IMMP1L: variants seen among roughly 807,000 people sequenced by gnomAD.
The protein encoded by IMMP1L is mitochondrial inner membrane protease subunit 1.
In IMMP1L, 24 loss-of-function variants were observed where a neutral mutation model predicts 21.8. The observed-to-expected ratio is 1.10, with a 90% CI of 0.80 to 1.55. The LOEUF (loss-of-function observed/expected upper bound fraction) is 1.55, where lower values mean the gene tolerates loss of function less well. Among genes scored for constraint, IMMP1L ranks in the 40% most tolerant of loss-of-function variants. The pLI, the probability that IMMP1L is intolerant of heterozygous loss-of-function variation, is 0.00. For synonymous variants in IMMP1L, 46 were observed against 62.8 expected, an observed-to-expected ratio of 0.73 and a Z score of 1.26; for missense variants, 195 against 200.7, an observed-to-expected ratio of 0.97 and a Z score of 0.17.
chr11:31,505,530 A>T (rs1955749890), intron 1 of IMMP1L, among the ~76,000 whole-genome samples: 1 of 152,202 alleles, frequency 6.6e-6, no homozygotes, highest in Non-Finnish European at 1.5e-5. Flanking sequence ...TCTGACATGG[A>T]CCCCTATTAT....
rs942698306 is a variant in IMMP1L, at chr11:31,509,522, G to C, written c.-33C>G. On this transcript the variant is annotated 5_prime_UTR_variant, in exon 1 of 6. Coordinates refer to ENST00000532287, the MANE Select transcript of IMMP1L (RefSeq NM_001304274.2). Reference sequence around the variant, plus strand: ...AACGTTACGTGATATTACCTACCTCGGGCCCCAAAGAACCCTGGAGACCCT... The same window carrying C: ...AACGTTACGTGATATTACCTACCTCCGGCCCCAAAGAACCCTGGAGACCCT... The C allele has an allele frequency of 1.9e-6, 1 of 536,018 alleles. No homozygotes were observed. The highest frequency in any genetic ancestry group is 3.4e-6 in the Non-Finnish European group (1 of 297,060). The allele number at this position is 536,018 out of a possible 1,614,324, so 33.2% of individuals were successfully genotyped here. A position where few individuals can be genotyped will look rare whatever the true frequency, so the allele number is the denominator to read the frequency against.
chr11:31,492,824 C>T (rs886643566), intron 1 of IMMP1L, among the ~76,000 whole-genome samples: 11 of 152,168 alleles, frequency 7.2e-5, no homozygotes, highest in Admixed American at 7.2e-4. Flanking sequence ...AACATTCTTA[C>T]ATGGGCACGG....
At chr11:31,437,041 C>T (rs1953147677) in intron 4 of IMMP1L, 1 of 333,054 alleles carries the variant, frequency 3.0e-6, no homozygotes, top group African/African-American at 2.1e-5. Context: ...TTTAATCTAA[C>T]AAGATCTCTA....
intron 1 of IMMP1L, among the ~76,000 whole-genome samples, chr11:31,464,920 T>C (rs1347447449): frequency 6.6e-6 from 1 of 152,008 alleles, no homozygotes; most frequent in Admixed American, 6.6e-5. Flanking sequence ...TTATTCAACA[T>C]AGTAACGGAA....
chr11:31,498,182 T>C (rs924323763), intron 1 of IMMP1L, among the ~76,000 whole-genome samples: 1 of 152,216 alleles, frequency 6.6e-6, no homozygotes, highest in African/African-American at 2.4e-5. Flanking sequence ...AAATCTTTAA[T>C]TTTGACTAAT....
At chr11:31,487,544 AC>A (rs1432387665) in intron 1 of IMMP1L, among the ~76,000 whole-genome samples, 1 of 152,172 alleles carries the variant, frequency 6.6e-6, no homozygotes, top group Admixed American at 6.5e-5. Flanking sequence ...CAAGTCACAG[AC>A]ACTACAGATG....
chr11:31,508,111 C>A (rs1017380014), intron 1 of IMMP1L, among the ~76,000 whole-genome samples: 2 of 151,990 alleles, frequency 1.3e-5, no homozygotes, highest in African/African-American at 4.8e-5. Context: ...CCACAGCACA[C>A]GTTTACCTAT....
intron 1 of IMMP1L, among the ~76,000 whole-genome samples, chr11:31,485,985 T>C (rs918994891): frequency 6.6e-6 from 1 of 151,708 alleles, no homozygotes; most frequent in East Asian, 1.9e-4. Flanking sequence ...TATACAGTGG[T>C]TGCCCTTTAG....
intron 4 of IMMP1L, among the ~76,000 whole-genome samples, chr11:31,447,927 A>G (rs1953590237): frequency 6.6e-6 from 1 of 152,214 alleles, no homozygotes; most frequent in Non-Finnish European, 1.5e-5. Context: ...AAGTGGTAAC[A>G]TCAAAACTTC....
chr11:31,456,460 CT>C (rs1266031031), intron 3 of IMMP1L, 74 bp from the exon 4 acceptor site: 1 of 1,169,656 alleles, frequency 8.5e-7, no homozygotes, highest in Admixed American at 1.9e-5. Flanking sequence ...TGCTTTAATA[CT>C]TTTATAAGAC....
In IMMP1L at chr11:31,436,994, C is replaced by T. The variant is rs1022003910; in HGVS notation, c.322-3424G>A. ...CTCAGACAACACTTCATGTAAAGTA[C>T]ACAAATCAAGGAAACAGCTTCATCA... On this transcript the variant is annotated intron_variant, in intron 4 of 5. Coordinates refer to ENST00000532287, the MANE Select transcript of IMMP1L (RefSeq NM_001304274.2). 4 of 248,862 alleles carry T rather than the reference C, an allele frequency of 1.6e-5. No individual in the cohort carries two copies. The Admixed American group carries it at 1.7e-4, about 10-fold the overall frequency. 15.4% of individuals were successfully genotyped at this position (248,862 alleles called of 1,614,324 possible). A position where few individuals can be genotyped will look rare whatever the true frequency, so the allele number is the denominator to read the frequency against.
At chr11:31,473,056 G>A (rs1170677858) in intron 1 of IMMP1L, among the ~76,000 whole-genome samples, 1 of 142,510 alleles carries the variant, frequency 7.0e-6, no homozygotes, top group Non-Finnish European at 1.5e-5. Flanking sequence ...TGTTGTTGTT[G>A]TTTGTTTTTT....
chr11:31,473,151 G>A (rs1397898070), intron 1 of IMMP1L, among the ~76,000 whole-genome samples: 2 of 151,970 alleles, frequency 1.3e-5, no homozygotes, highest in African/African-American at 2.4e-5. Context: ...CCGGGTTCAC[G>A]CCATTCTCCT....
At chr11:31,508,264 A>G (rs1453473909) in intron 1 of IMMP1L, among the ~76,000 whole-genome samples, 1 of 152,224 alleles carries the variant, frequency 6.6e-6, no homozygotes, top group Non-Finnish European at 1.5e-5. Flanking sequence ...GGATAAAATT[A>G]GCACATGCTA....
chr11:31,507,867 T>C (rs924867398), intron 1 of IMMP1L, among the ~76,000 whole-genome samples: 2 of 152,230 alleles, frequency 1.3e-5, no homozygotes, highest in Admixed American at 6.5e-5. Flanking sequence ...TGTGAGGTAA[T>C]GCATTGCTAA....
intron 1 of IMMP1L, among the ~76,000 whole-genome samples, chr11:31,508,720 GGTAAT>G (rs1565024319): frequency 6.6e-6 from 1 of 152,018 alleles, no homozygotes; most frequent in Non-Finnish European, 1.5e-5. Context: ...TCAGTAGTGC[GGTAAT>G]GATTTGGGAG....
intron 3 of IMMP1L, among the ~76,000 whole-genome samples, chr11:31,456,764 A>C (rs1199601410): frequency 6.6e-6 from 1 of 151,480 alleles, no homozygotes; most frequent in African/African-American, 2.4e-5. Context: ...TCACAACTAT[A>C]ATCTCAGCAC....
chr11:31,437,789 G>A (rs1464065427), intron 4 of IMMP1L, among the ~76,000 whole-genome samples: 4 of 152,094 alleles, frequency 2.6e-5, no homozygotes, highest in Non-Finnish European at 4.4e-5. Flanking sequence ...CGAGTGAACT[G>A]CTTTCTGTTA....
Position 31,433,526 on chromosome 11 carries a change from ATTC to A in IMMP1L, c.363_365del (p.Gln121_Asn122delinsHis), listed in dbSNP as rs1225756024. ...GTCCATAGCACCTGGAATCTGTAGA[ATTC>A]TGTAGATTGTCACCTTCTAACCAAA... is the stretch of plus-strand genomic sequence containing the variant. On this transcript the variant is annotated inframe_deletion, in exon 5 of 6. Transcript: ENST00000532287. The A allele has an allele frequency of 6.2e-7, 1 of 1,612,114 alleles. No individual in the cohort carries two copies. Among genetic ancestry groups the A allele is most frequent in the East Asian group, 2.2e-5 (1 of 44,784 alleles).
Sources: allele counts gnomAD v4.1 joint callset (sites outside exome capture counted in the v4.1 genomes callset), GRCh38; gene constraint gnomAD v4.1.1; transcripts MANE v1.5; gene names NCBI Gene and HGNC (gene_info 2026-07-23, HGNC 2026-07-21).